Variants in NAALAD2 observed in about 807,000 individuals in gnomAD.
NAALAD2 encodes N-acetylated alpha-linked acidic dipeptidase 2.
A neutral mutation model predicts 95.6 loss-of-function variants in NAALAD2; 89 were observed. That is an observed-to-expected ratio of 0.93 (90% CI 0.78 to 1.11). The LOEUF is 1.11. Ranked by LOEUF, NAALAD2 falls within the 50% of genes least tolerant of loss-of-function variation. The pLI is 0.00. For missense variants in NAALAD2, 894 were observed against 872.4 expected, an observed-to-expected ratio of 1.02 and a Z score of -0.31; for synonymous variants, 264 against 294.4, an observed-to-expected ratio of 0.90 and a Z score of 1.06.
intron 8 of NAALAD2, chr11:90,162,510 T>C (rs1014755644): frequency 2.6e-5 from 4 of 151,886 alleles, no homozygotes; most frequent in Admixed American, 6.6e-5. Context: ...TAAATATAAA[T>C]AGATACATTT....
rs930505238 is a variant in NAALAD2 at position 90,178,097 on chromosome 11, C to T, written c.1838C>T (p.Thr613Ile). ...NLSKKHDQQLTDHGVSFDSLF... is the reference protein window; with the variant it reads ...NLSKKHDQQLIDHGVSFDSLF... ...TCTAAGAAACATGATCAACAATTGA[C>T]AGACCATGGAGTATCATTTGGTAAG... The change falls in exon 16 of 19, where the codon ACA becomes ATA. Residue 613 changes from threonine to isoleucine, a missense_variant. By Grantham distance (89) the Thr-to-Ile change is moderately conservative (BLOSUM62 -1). Coordinates refer to ENST00000534061, the MANE Select transcript of NAALAD2 (RefSeq NM_005467.4). The T allele has an allele frequency of 6.8e-6, 11 of 1,612,184 alleles. No individual in the cohort carries two copies. Among genetic ancestry groups the T allele is most frequent in the Non-Finnish European group, 7.6e-6 (9 of 1,179,464 alleles).
chr11:90,186,228 C>G (rs1336150202), intron 18 of NAALAD2, among the ~76,000 whole-genome samples: 1 of 146,958 alleles, frequency 6.8e-6, no homozygotes, highest in African/African-American at 2.5e-5. Flanking sequence ...CTTCCTGTGT[C>G]CATGTGATCT....
chr11:90,185,832 G>A (rs1421753667), intron 18 of NAALAD2, among the ~76,000 whole-genome samples: 1 of 148,768 alleles, frequency 6.7e-6, no homozygotes, highest in African/African-American at 2.5e-5. Context: ...ATCAGGACCT[G>A]GGATTTCAGG....
At chr11:90,169,216 G>A (rs1246437247) in intron 12 of NAALAD2, 1 of 382,072 alleles carries the variant, frequency 2.6e-6, no homozygotes. Flanking sequence ...TCATAACTAA[G>A]CTATTGCTTT....
At chr11:90,187,696 TAA>T (rs1857196102) in intron 18 of NAALAD2, among the ~76,000 whole-genome samples, 1 of 152,054 alleles carries the variant, frequency 6.6e-6, no homozygotes, top group South Asian at 2.1e-4. Flanking sequence ...CCTCTAAGAG[TAA>T]AAACTTTCAG....
At chr11:90,163,715 TA>T (rs1390644301) in intron 11 of NAALAD2, 98 bp downstream of exon 11, 1 of 1,123,026 alleles carries the variant, frequency 8.9e-7, no homozygotes, top group East Asian at 2.5e-5. Context: ...CATTACCTAA[TA>T]TGGTTTTGTT....
At chr11:90,163,809 T>C (rs1039284380) in intron 11 of NAALAD2, 192 bp downstream of exon 11, 1 of 569,538 alleles carries the variant, frequency 1.8e-6, no homozygotes. Context: ...AGTACTAGAC[T>C]GCAGACAGAG....
intron 16 of NAALAD2, among the ~76,000 whole-genome samples, chr11:90,179,942 C>G (rs915315468): frequency 6.6e-6 from 1 of 152,090 alleles, no homozygotes; most frequent in Non-Finnish European, 1.5e-5. Context: ...TATAGCTTTT[C>G]TATTTCAAAA....
intron 11 of NAALAD2, among the ~76,000 whole-genome samples, chr11:90,167,476 C>T (rs1178401812): frequency 6.6e-6 from 1 of 152,208 alleles, no homozygotes; most frequent in Non-Finnish European, 1.5e-5. Flanking sequence ...GCACCGCTTC[C>T]TGCTCCACGG....
intron 16 of NAALAD2, among the ~76,000 whole-genome samples, chr11:90,180,280 A>G (rs1304973234): frequency 6.6e-6 from 1 of 152,118 alleles, no homozygotes; most frequent in Non-Finnish European, 1.5e-5. Context: ...GAAATTTAAA[A>G]TTCTGTTTTC....
chr11:90,148,857 C>T (rs7935660), intron 3 of NAALAD2, 149 bp from the exon 4 acceptor site: 185,594 of 454,340 alleles, frequency 0.41, 39,958 homozygotes, highest in African/African-American at 0.62. Flanking sequence ...AATGATAAGG[C>T]TCTTTCTCAT....
Position 90,192,888 on chromosome 11 carries a change from T to C in NAALAD2, c.*1141T>C, listed in dbSNP as rs1857373936. 6.6e-6 allele frequency: 1 copy of C among 152,036 alleles called. No homozygotes were observed. The highest frequency in any genetic ancestry group is 1.5e-5 in the Non-Finnish European group (1 of 67,918). 9.4% of individuals were successfully genotyped at this position (152,036 alleles called of 1,614,324 possible). A position where few individuals can be genotyped will look rare whatever the true frequency, so the allele number is the denominator to read the frequency against. On this transcript the variant is annotated 3_prime_UTR_variant, in exon 19 of 19. Transcript: ENST00000534061. ...GCTTCAATAAACTTGGTTGTTCATC[T>C]ACTTCACCAAAACGAGTTAAGAATT...
chr11:90,181,073 C>T (rs1952954294), intron 16 of NAALAD2, among the ~76,000 whole-genome samples: 1 of 152,082 alleles, frequency 6.6e-6, no homozygotes, highest in African/African-American at 2.4e-5. Context: ...TGAGGTATGA[C>T]TGTACTGAGA....
chr11:90,163,609 T>A lies in NAALAD2; in HGVS notation c.1270T>A (p.Trp424Arg). 6.2e-7 allele frequency: 1 copy of A among 1,613,964 alleles called. No homozygotes were observed. Among genetic ancestry groups the A allele is most frequent in the Non-Finnish European group, 8.5e-7 (1 of 1,179,850 alleles). Residue 424 changes from tryptophan to arginine, a missense_variant, in exon 11 of 19, where the codon TGG (tryptophan) becomes AGG (arginine). Trp to Arg is a moderately radical substitution (Grantham distance 101). Transcript: ENST00000534061. The part of the protein sequence containing the change: ...EEFGLLGSTE[W>R]AEENVKILQE... Reference sequence around the variant, plus strand: ...ATTTGGACTTCTGGGTTCCACAGAATGGGCTGAGGTAAATAAGACAAAGAA... The same window carrying A: ...ATTTGGACTTCTGGGTTCCACAGAAAGGGCTGAGGTAAATAAGACAAAGAA...
intron 11 of NAALAD2, among the ~76,000 whole-genome samples, chr11:90,168,466 C>T (rs1044594654): frequency 1.2e-4 from 19 of 152,076 alleles, no homozygotes; most frequent in African/African-American, 4.6e-4. Flanking sequence ...GAGATCGTGC[C>T]GCTGCATTCT....
chr11:90,155,554 A>G (rs1952069446), intron 6 of NAALAD2, among the ~76,000 whole-genome samples: 1 of 109,828 alleles, frequency 9.1e-6, no homozygotes, highest in African/African-American at 3.8e-5. Flanking sequence ...ATGATATATA[A>G]TGTGTAATAT....
intron 16 of NAALAD2, among the ~76,000 whole-genome samples, chr11:90,180,394 G>T (rs1045047812): frequency 3.9e-5 from 6 of 152,044 alleles, no homozygotes; most frequent in Non-Finnish European, 8.8e-5. Flanking sequence ...AGGACTAAAA[G>T]ACTAGGACTA....
chr11:90,190,943 T>A (rs908702639), intron 18 of NAALAD2, among the ~76,000 whole-genome samples: 3 of 152,146 alleles, frequency 2.0e-5, no homozygotes, highest in East Asian at 3.9e-4. Context: ...GAAAGTAGCT[T>A]GATCCCTTGA....
intron 2 of NAALAD2, among the ~76,000 whole-genome samples, chr11:90,143,596 G>C (rs1951674444): frequency 6.6e-6 from 1 of 152,024 alleles, no homozygotes; most frequent in Non-Finnish European, 1.5e-5. Flanking sequence ...TATTAATTTA[G>C]AAAGGTCTTG....
Sources: gnomAD v4.1 joint callset for allele counts (sites outside exome capture counted in the v4.1 genomes callset) on GRCh38, gnomAD v4.1.1 for gene constraint, MANE v1.5 for transcripts, NCBI Gene and HGNC (gene_info 2026-07-23, HGNC 2026-07-21) for gene names.